Variants in OCA2 observed in about 807,000 individuals in gnomAD.
The protein encoded by OCA2 is OCA2 melanosomal transmembrane protein.
OCA2 carries 77 observed loss-of-function variants against 100.2 expected under a neutral mutation model. The observed-to-expected ratio is 0.77, with a 90% CI of 0.64 to 0.93. The LOEUF (loss-of-function observed/expected upper bound fraction) is 0.93. Among genes scored for constraint, OCA2 ranks in the 40% least tolerant of loss-of-function variants. The probability of loss-of-function intolerance (pLI) is 0.00; values close to 1 mark genes in which losing one functional copy is unlikely to be tolerated. For missense variants in OCA2, 1,062 were observed against 1,089.1 expected, an observed-to-expected ratio of 0.98 and a Z score of 0.35; for synonymous variants, 432 against 439.2, an observed-to-expected ratio of 0.98 and a Z score of 0.21.
the OCA2 span, among the ~76,000 whole-genome samples, chr15:27,749,599 AT>A: frequency 5.3e-5 from 8 of 151,018 alleles, no homozygotes; most frequent in Admixed American, 1.3e-4. Context: ...ATACCAAGGA[AT>A]TTTTTTTTTA....
intron 19 of OCA2, among the ~76,000 whole-genome samples, chr15:27,900,762 G>A (rs962826647): frequency 4.0e-4 from 61 of 152,170 alleles, no homozygotes; most frequent in African/African-American, 1.4e-3. Flanking sequence ...AGAACTGGCC[G>A]GGAGCTGGGC....
intron 23 of OCA2, among the ~76,000 whole-genome samples, chr15:27,824,602 C>CTCTCTCTCTCTCTCTCCATATATATATA: frequency 2.1e-5 from 1 of 47,610 alleles, no homozygotes; most frequent in Non-Finnish European, 3.1e-5. Flanking sequence ...CTCTCTCTCT[C>CTCTCTCTCTCTCTCTCCATATATATATA]TATATATATA....
intron 15 of OCA2, among the ~76,000 whole-genome samples, chr15:27,962,162 A>G (rs2040430804): frequency 6.6e-6 from 1 of 152,188 alleles, no homozygotes; most frequent in Non-Finnish European, 1.5e-5. Context: ...TCCTTCTTTC[A>G]AATATCCAGT....
intron 19 of OCA2, among the ~76,000 whole-genome samples, chr15:27,921,577 G>A (rs1351897257): frequency 6.6e-6 from 1 of 152,056 alleles, no homozygotes; most frequent in African/African-American, 2.4e-5. Context: ...GGTTTTAGGG[G>A]CACCAGCCCC....
chr15:27,963,800 A>G (rs1465651088), intron 15 of OCA2, among the ~76,000 whole-genome samples: 2 of 152,136 alleles, frequency 1.3e-5, no homozygotes, highest in Non-Finnish European at 2.9e-5. Context: ...AATTGTAGAG[A>G]AAAATCTATA....
chr15:27,755,363 T>C lies in OCA2; in HGVS notation c.*25A>G, dbSNP rs1466294640. The C allele has an allele frequency of 2.6e-6, 4 of 1,556,876 alleles. No homozygotes were observed. In the East Asian group the frequency reaches 9.0e-5, roughly 35 times the overall value. On this transcript the variant is annotated 3_prime_UTR_variant, in exon 24 of 24. Coordinates refer to ENST00000354638, the MANE Select transcript of OCA2 (RefSeq NM_000275.3). ...TTGTGATGGATGAAGTTTCCTTTAG[T>C]CTTCGAGCAATAGATGGATGTCTAT...
intron 19 of OCA2, among the ~76,000 whole-genome samples, chr15:27,910,783 C>T (rs576821845): frequency 6.6e-6 from 1 of 151,810 alleles, no homozygotes; most frequent in Non-Finnish European, 1.5e-5. Context: ...CAGTGAAACC[C>T]CGCATCTACT....
At chr15:28,091,298 G>T (rs1191161013) in intron 1 of OCA2, among the ~76,000 whole-genome samples, 1 of 152,032 alleles carries the variant, frequency 6.6e-6, no homozygotes, top group African/African-American at 2.4e-5. Flanking sequence ...AGAAAATGAG[G>T]TATACCTCAT....
At chr15:27,818,102 C>A (rs2034371633) in intron 23 of OCA2, among the ~76,000 whole-genome samples, 1 of 152,164 alleles carries the variant, frequency 6.6e-6, no homozygotes, top group Non-Finnish European at 1.5e-5. Flanking sequence ...TTTAAAATAT[C>A]ATCTCTGGCT....
chr15:27,973,574 G>C (rs2040872929), intron 14 of OCA2, among the ~76,000 whole-genome samples: 1 of 152,110 alleles, frequency 6.6e-6, no homozygotes, highest in Non-Finnish European at 1.5e-5. Context: ...TGCTGTTTTG[G>C]TTACTATAGC....
At chr15:27,793,291 C>T (rs1311620341) in intron 23 of OCA2, among the ~76,000 whole-genome samples, 1 of 151,906 alleles carries the variant, frequency 6.6e-6, no homozygotes, top group Non-Finnish European at 1.5e-5. Flanking sequence ...CCACCTTTTG[C>T]AATCTTATGA....
chr15:27,767,033 G>A lies in OCA2; in HGVS notation c.2433-11561C>T, dbSNP rs549031028. On this transcript the variant is annotated intron_variant, in intron 23 of 23. Coordinates refer to ENST00000354638, the MANE Select transcript of OCA2 (RefSeq NM_000275.3). ...CGGGAAGTCCCAGTTCCCAAATACCGGCCTCTGGAGTTGGGCTACATGGCT... is the reference window on the plus strand; with the variant it reads ...CGGGAAGTCCCAGTTCCCAAATACCAGCCTCTGGAGTTGGGCTACATGGCT... Among the ~76,000 whole-genome samples the A allele has an allele frequency of 8.5e-5, 13 of 152,050 alleles. No homozygotes were observed. The East Asian group carries it at 1.6e-3, about 18-fold the overall frequency.
At position 27,963,056 on chromosome 15, in the gene OCA2, C is replaced by T. The variant is rs114673612; in HGVS notation, c.1636+3634G>A. On this transcript the variant is annotated intron_variant, in intron 15 of 23. Transcript: ENST00000354638. The stretch of plus-strand genomic sequence containing the variant: ...TGGATCGCAAAGATTGTTTTTATAG[C>T]AAGGTGTTAAATCATCAAGATGAAA... Among the ~76,000 whole-genome samples the T allele has an allele frequency of 8.6e-3, 1,305 of 152,246 alleles. 24 individuals carry two copies. Among genetic ancestry groups the T allele is most frequent in the African/African-American group, 0.029 (1,217 of 41,570 alleles).
chr15:28,029,378 T>G (rs967180136), intron 3 of OCA2, among the ~76,000 whole-genome samples: 1 of 152,186 alleles, frequency 6.6e-6, no homozygotes, highest in African/African-American at 2.4e-5. Flanking sequence ...CACCAACTGC[T>G]GAAAAAAACA....
intron 21 of OCA2, among the ~76,000 whole-genome samples, chr15:27,857,318 A>T (rs1041983559): frequency 2.0e-5 from 3 of 152,236 alleles, no homozygotes; most frequent in Non-Finnish European, 4.4e-5. Context: ...ACTTGAAGAT[A>T]CGACGTTTGA....
In OCA2 at chr15:28,032,047, AG is replaced by A. The variant is rs1443154659; in HGVS notation, c.326+17del. 1.9e-6 allele frequency: 3 copies of A among 1,582,832 alleles called. No homozygotes were observed. The highest frequency in any genetic ancestry group is 2.6e-6 in the Non-Finnish European group (3 of 1,151,298). ...GCTCAGAAACTCTTACTTTCATATG[AG>A]GGGGAAAATATCTCACCCTTTCTCC... On this transcript the variant is annotated intron_variant, in intron 3 of 23. Transcript: ENST00000354638.
chr15:27,961,449 G>A (rs1359701706), intron 15 of OCA2, among the ~76,000 whole-genome samples: 1 of 152,186 alleles, frequency 6.6e-6, no homozygotes, highest in African/African-American at 2.4e-5. Flanking sequence ...CCATTACTGG[G>A]TATATAACCA....
intron 21 of OCA2, among the ~76,000 whole-genome samples, chr15:27,870,788 AAAAG>A (rs148699055): frequency 6.8e-4 from 86 of 126,676 alleles, no homozygotes; most frequent in Middle Eastern, 4.0e-3. Flanking sequence ...GAAAGAAAGA[AAAAG>A]AAAGAAAGAA....
At chr15:27,795,991 G>A (rs1195737397) in intron 23 of OCA2, among the ~76,000 whole-genome samples, 1 of 152,232 alleles carries the variant, frequency 6.6e-6, no homozygotes, top group Non-Finnish European at 1.5e-5. Context: ...CAAGCACATT[G>A]TTTTTGTGCT....
Sources: gnomAD v4.1 joint callset for allele counts (sites outside exome capture counted in the v4.1 genomes callset) on GRCh38, gnomAD v4.1.1 for gene constraint, MANE v1.5 for transcripts, NCBI Gene and HGNC (gene_info 2026-07-23, HGNC 2026-07-21) for gene names.